Variants in SRGAP2C observed in about 807,000 individuals in gnomAD.
SRGAP2C encodes SLIT-ROBO Rho GTPase activating protein 2C, also known as SLIT-ROBO Rho GTPase-activating protein 2C.
In SRGAP2C, 15 loss-of-function variants were observed where a neutral mutation model predicts 25.1. That is an observed-to-expected ratio of 0.60 (90% CI 0.40 to 0.92). SRGAP2C has a LOEUF of 0.92. Among genes scored for constraint, SRGAP2C ranks in the 40% least tolerant of loss-of-function variants. The pLI is 0.00. For synonymous variants in SRGAP2C, 44 were observed against 96.6 expected, an observed-to-expected ratio of 0.46 and a Z score of 3.19; for missense variants, 144 against 264.4, an observed-to-expected ratio of 0.54 and a Z score of 3.16.
At chr1:121,206,578 C>T (rs1287650704) in intron 2 of SRGAP2C, among the ~76,000 whole-genome samples, 3 of 149,768 alleles carry the variant, frequency 2.0e-5, no homozygotes, top group Admixed American at 6.7e-5. Flanking sequence ...TTGTTCCTGC[C>T]CACACAGCAT....
intron 2 of SRGAP2C, among the ~76,000 whole-genome samples, chr1:121,193,696 G>T (rs1261240263): frequency 6.5e-5 from 2 of 30,936 alleles, no homozygotes; most frequent in Admixed American, 3.1e-4. Flanking sequence ...TTTCAGATGG[G>T]GTCTCACTCT....
intron 2 of SRGAP2C, among the ~76,000 whole-genome samples, chr1:121,222,136 T>A (rs1197007170): frequency 1.3e-5 from 2 of 152,026 alleles, no homozygotes; most frequent in South Asian, 4.1e-4. Flanking sequence ...GTGAGGTGGA[T>A]ATTATTGTCC....
intron 4 of SRGAP2C, among the ~76,000 whole-genome samples, chr1:121,332,541 T>C (rs1658454755): frequency 1.3e-5 from 2 of 152,164 alleles, no homozygotes; most frequent in African/African-American, 4.8e-5. Flanking sequence ...GTTAATACTT[T>C]TCTCCAGGGT....
At chr1:121,235,095 C>T (rs1446630489) in intron 2 of SRGAP2C, among the ~76,000 whole-genome samples, 12 of 144,780 alleles carry the variant, frequency 8.3e-5, no homozygotes, top group East Asian at 6.0e-4. Flanking sequence ...GATCTCGGCT[C>T]GCTGCAAGCT....
intron 3 of SRGAP2C, among the ~76,000 whole-genome samples, chr1:121,295,529 C>A (rs1472373752): frequency 6.6e-6 from 1 of 151,842 alleles, no homozygotes; most frequent in Non-Finnish European, 1.5e-5. Flanking sequence ...GATACCCACC[C>A]CTGTACTCCT....
chr1:121,227,951 T>A (rs1315223553), intron 2 of SRGAP2C, among the ~76,000 whole-genome samples: 1 of 143,662 alleles, frequency 7.0e-6, no homozygotes, highest in Non-Finnish European at 1.5e-5. Context: ...ATTAAAAACA[T>A]GCCCTGCCTG....
intron 2 of SRGAP2C, among the ~76,000 whole-genome samples, chr1:121,263,141 G>T (rs1246422243): frequency 6.6e-5 from 10 of 151,434 alleles, no homozygotes; most frequent in African/African-American, 2.4e-4. Context: ...ATCGCTTGAG[G>T]TCAGGAGTTT....
At chr1:121,282,810 G>T (rs1443613897) in intron 2 of SRGAP2C, among the ~76,000 whole-genome samples, 6 of 148,502 alleles carry the variant, frequency 4.0e-5, no homozygotes, top group Non-Finnish European at 6.0e-5. Flanking sequence ...CGCCCGCCTC[G>T]GCCTCCCAAA....
At chr1:121,198,917 T>C (rs1295739134) in intron 2 of SRGAP2C, among the ~76,000 whole-genome samples, 5 of 152,136 alleles carry the variant, frequency 3.3e-5, no homozygotes, top group Non-Finnish European at 5.9e-5. Context: ...TTTAGCTTTG[T>C]CATTGGCTGC....
chr1:121,249,578 A>T (rs1162860110), intron 2 of SRGAP2C, among the ~76,000 whole-genome samples: 1,606 of 22,030 alleles, frequency 0.073, 10 homozygotes, highest in Non-Finnish European at 0.1. Context: ...ATATATATAT[A>T]TATTTTTTTT....
intron 2 of SRGAP2C, among the ~76,000 whole-genome samples, chr1:121,260,456 G>A (rs1656600594): frequency 6.6e-6 from 1 of 151,878 alleles, no homozygotes; most frequent in Non-Finnish European, 1.5e-5. Context: ...AGAGGAGAGG[G>A]TGAGAGGTTT....
chr1:121,268,705 A>C (rs1553334749), intron 2 of SRGAP2C, among the ~76,000 whole-genome samples: 1 of 120,458 alleles, frequency 8.3e-6, no homozygotes, highest in African/African-American at 2.7e-5. Context: ...GTGGCCTGGC[A>C]GGTGAATGGT....
rs1488517223 is a variant in SRGAP2C, at chr1:121,392,287, T to C, written c.*4432T>C. 6.6e-6 allele frequency: 1 copy of C among 152,222 alleles called. No individual in the cohort carries two copies. The highest frequency in any genetic ancestry group is 1.5e-5 in the Non-Finnish European group (1 of 68,024). The allele number at this position is 152,222 out of a possible 1,614,324, so 9.4% of individuals were successfully genotyped here. A position where few individuals can be genotyped will look rare whatever the true frequency, so the allele number is the denominator to read the frequency against. On this transcript the variant is annotated 3_prime_UTR_variant, in exon 10 of 10. Coordinates refer to ENST00000367123, the MANE Select transcript of SRGAP2C (RefSeq NM_001329984.2). ...CTTTCTTTTCACCTTTCTTCCTTCTTCCTTCCCCCTCCTCCTTTTTACTTT... is the reference window on the plus strand; with the variant it reads ...CTTTCTTTTCACCTTTCTTCCTTCTCCCTTCCCCCTCCTCCTTTTTACTTT...
chr1:121,278,097 C>T (rs1160650937), intron 2 of SRGAP2C, among the ~76,000 whole-genome samples: 4 of 151,418 alleles, frequency 2.6e-5, no homozygotes, highest in Non-Finnish European at 5.9e-5. Context: ...TGCACCACCT[C>T]CCCCCGCCAG....
intron 7 of SRGAP2C, among the ~76,000 whole-genome samples, chr1:121,380,487 TGG>T (rs1186404421): frequency 6.7e-6 from 1 of 148,834 alleles, no homozygotes; most frequent in African/African-American, 2.5e-5. Context: ...TGATGTTGGA[TGG>T]GTAGATTGAA....
intron 2 of SRGAP2C, among the ~76,000 whole-genome samples, chr1:121,235,550 A>G (rs1261754852): frequency 6.5e-5 from 2 of 30,936 alleles, no homozygotes; most frequent in Non-Finnish European, 1.0e-4. Context: ...TACCCCTCAT[A>G]TCCTAGTCTC....
At chr1:121,268,722 G>A (rs587730009) in intron 2 of SRGAP2C, among the ~76,000 whole-genome samples, 1 of 111,458 alleles carries the variant, frequency 9.0e-6, no homozygotes, top group Non-Finnish European at 2.2e-5. Flanking sequence ...TGGTGGTACC[G>A]TTACTGGGGT....
intron 2 of SRGAP2C, among the ~76,000 whole-genome samples, chr1:121,270,327 C>A (rs587774807): frequency 6.6e-6 from 1 of 151,772 alleles, no homozygotes; most frequent in African/African-American, 2.4e-5. Flanking sequence ...TGAGACCAAT[C>A]TGGGTTTCTG....
intron 3 of SRGAP2C, among the ~76,000 whole-genome samples, chr1:121,323,428 C>G (rs1289623392): frequency 6.6e-6 from 1 of 151,186 alleles, no homozygotes; most frequent in Non-Finnish European, 1.5e-5. Context: ...TCAGCATGGT[C>G]AACATGGTGA....
Sources: gnomAD v4.1 joint callset for allele counts (sites outside exome capture counted in the v4.1 genomes callset) on GRCh38, gnomAD v4.1.1 for gene constraint, MANE v1.5 for transcripts, NCBI Gene and HGNC (gene_info 2026-07-23, HGNC 2026-07-21) for gene names.